Variants in SMARCA2 observed in about 807,000 individuals in gnomAD.
The protein encoded by SMARCA2 is SWI/SNF related BAF chromatin remodeling complex subunit ATPase 2, also known as SWI/SNF-related matrix-associated actin-dependent regulator of chromatin subfamily A member 2.
SMARCA2 carries 61 observed loss-of-function variants against 199.8 expected under a neutral mutation model. That is an observed-to-expected ratio of 0.31 (90% CI 0.25 to 0.38). The LOEUF (loss-of-function observed/expected upper bound fraction) is 0.38, where lower values mean the gene tolerates loss of function less well. Among genes scored for constraint, SMARCA2 ranks in the 10% least tolerant of loss-of-function variants. The pLI, the probability that SMARCA2 is intolerant of heterozygous loss-of-function variation, is 1.00. For missense variants in SMARCA2, 1,344 were observed against 2,012.2 expected (o/e 0.67, Z 6.35); for synonymous variants, 935 against 732.0 (o/e 1.28, Z -4.48).
In SMARCA2 at chr9:2,016,117, G is replaced by A. The variant is rs1818343566; in HGVS notation, c.-37+713G>A. The A allele has an allele frequency of 6.6e-6, 1 of 152,382 alleles. No homozygotes were observed. Among genetic ancestry groups the A allele is most frequent in the South Asian group, 2.1e-4 (1 of 4,834 alleles). 9.4% of individuals were successfully genotyped at this position (152,382 alleles called of 1,614,324 possible). On this transcript the variant is annotated intron_variant, in intron 1 of 33. Coordinates refer to ENST00000349721, the MANE Select transcript of SMARCA2 (RefSeq NM_003070.5). The surrounding 1 kb of genome is among the most constrained non-coding windows in gnomAD (Gnocchi z 5.6). ...GAGAAGCCTGAGCTGACGCGCGAAG[G>A]AGGTAGCGGCCACTGCCGCGGGGCC...
chr9:2,126,215 T>C (rs1222515627), intron 27 of SMARCA2, among the ~76,000 whole-genome samples: 2 of 152,250 alleles, frequency 1.3e-5, no homozygotes, highest in African/African-American at 4.8e-5. Context: ...ACTGTGAAAA[T>C]TGGTTTTTAT....
intron 19 of SMARCA2, among the ~76,000 whole-genome samples, chr9:2,094,436 G>T (rs559708458): frequency 6.6e-6 from 1 of 152,144 alleles, no homozygotes; most frequent in African/African-American, 2.4e-5. Context: ...TCATAGGAAG[G>T]TGCTTGAGTG....
intron 20 of SMARCA2, 30 bp downstream of exon 20, chr9:2,096,794 G>A (rs117591955): frequency 0.011 from 14,530 of 1,298,514 alleles, 106 homozygotes; most frequent in Middle Eastern, 0.018. Flanking sequence ...GCAACTCAAG[G>A]TGCTGTGGTA....
At chr9:2,095,237 C>T (rs1276612265) in intron 19 of SMARCA2, among the ~76,000 whole-genome samples, 3 of 152,010 alleles carry the variant, frequency 2.0e-5, no homozygotes, top group African/African-American at 7.2e-5. Context: ...AGGCACACAC[C>T]ACCATGCCTG....
intron 27 of SMARCA2, among the ~76,000 whole-genome samples, chr9:2,133,231 G>C (rs1202879032): frequency 2.6e-5 from 4 of 152,180 alleles, no homozygotes; most frequent in Non-Finnish European, 5.9e-5. Context: ...TTAGGAATTT[G>C]TATTATATTT....
At chr9:2,042,701 G>A (rs577427675) in intron 4 of SMARCA2, 6 of 147,888 alleles carry the variant, frequency 4.1e-5, no homozygotes, top group African/African-American at 7.5e-5. Flanking sequence ...TACATCTTTC[G>A]TCATCAGGTG....
chr9:2,101,730 CTCTTCAG>C, intron 22 of SMARCA2, 114 bp downstream of exon 22: 1 of 544,310 alleles, frequency 1.8e-6, no homozygotes, highest in Non-Finnish European at 3.3e-6. Flanking sequence ...CCTCTAAGGG[CTCTTCAG>C]TGGAGAAGTT....
chr9:2,045,428 T>G (rs73379448), intron 4 of SMARCA2: 1 of 152,298 alleles, frequency 6.6e-6, no homozygotes, highest in South Asian at 2.1e-4. Flanking sequence ...AAAATGTACC[T>G]TGTTTTAAAG....
At chr9:2,055,637 T>C (rs1820319237) in intron 6 of SMARCA2, 1 of 152,218 alleles carries the variant, frequency 6.6e-6, no homozygotes, top group Non-Finnish European at 1.5e-5. Flanking sequence ...TTTGGGTGTA[T>C]ATTTGCCTTA....
chr9:2,185,269 CAT>C (rs1376050226), intron 31 of SMARCA2, among the ~76,000 whole-genome samples: 2 of 152,224 alleles, frequency 1.3e-5, no homozygotes, highest in African/African-American at 4.8e-5. Context: ...TGAGTAGAAT[CAT>C]AGAGTTACTT....
chr9:2,168,114 C>T (rs1826030854), intron 28 of SMARCA2, among the ~76,000 whole-genome samples: 1 of 151,002 alleles, frequency 6.6e-6, no homozygotes, highest in Non-Finnish European at 1.5e-5. Context: ...CGGGTTCAAG[C>T]AATTCTCCTG....
At chr9:2,069,795 T>C (rs888250980) in intron 9 of SMARCA2, among the ~76,000 whole-genome samples, 2 of 152,210 alleles carry the variant, frequency 1.3e-5, no homozygotes, top group Non-Finnish European at 2.9e-5. Flanking sequence ...TTTCAACTTT[T>C]ATTTTAGATT....
chr9:2,100,280 A>G (rs1213213596), intron 21 of SMARCA2, among the ~76,000 whole-genome samples: 5 of 152,252 alleles, frequency 3.3e-5, no homozygotes, highest in Non-Finnish European at 5.9e-5. Flanking sequence ...CTTTCTGTGA[A>G]TCAGAAAGGA....
At chr9:2,103,490 A>G (rs1469135265) in intron 22 of SMARCA2, among the ~76,000 whole-genome samples, 2 of 152,190 alleles carry the variant, frequency 1.3e-5, no homozygotes, top group African/African-American at 2.4e-5. Context: ...TGTTTTGCTT[A>G]TTATTATATA....
intron 33 of SMARCA2, chr9:2,191,795 T>G (rs1827904637): frequency 6.3e-6 from 1 of 159,242 alleles, no homozygotes; most frequent in East Asian, 1.8e-4. Flanking sequence ...AAAACTGTTA[T>G]GACGTCAGAG....
chr9:2,087,209 G>A (rs1821839529), intron 18 of SMARCA2, 138 bp downstream of exon 18: 4 of 1,016,856 alleles, frequency 3.9e-6, no homozygotes, highest in South Asian at 3.1e-5. Context: ...CCATCGGTGG[G>A]TGGACATGGT....
At chr9:2,041,446 G>T (rs1240429053) in intron 4 of SMARCA2, 3 of 398,598 alleles carry the variant, frequency 7.5e-6, no homozygotes, top group Non-Finnish European at 1.3e-5. Context: ...TGGCAGAAGA[G>T]ACAAGGCAGC....
intron 28 of SMARCA2, among the ~76,000 whole-genome samples, chr9:2,164,958 G>A (rs1273812903): frequency 6.6e-6 from 1 of 152,106 alleles, no homozygotes; most frequent in Non-Finnish European, 1.5e-5. Context: ...TTTATATTTT[G>A]TATTTCTCTT....
chr9:2,156,196 C>T (rs533969627), intron 27 of SMARCA2, among the ~76,000 whole-genome samples: 9 of 152,150 alleles, frequency 5.9e-5, no homozygotes, highest in Admixed American at 2.6e-4. Flanking sequence ...CAAGACTGAA[C>T]GTGCTATCTG....
Sources: gnomAD v4.1 joint callset for allele counts (sites outside exome capture counted in the v4.1 genomes callset) on GRCh38, gnomAD v4.1.1 for gene constraint, Gnocchi (gnomAD v3.1) non-coding constraint, MANE v1.5 for transcripts, NCBI Gene and HGNC (gene_info 2026-07-23, HGNC 2026-07-21) for gene names.